The following OGFOD1 variants were observed in gnomAD, a reference collection of about 807,000 sequenced individuals.
OGFOD1 encodes the protein prolyl 3-hydroxylase OGFOD1.
OGFOD1 carries 54 observed loss-of-function variants against 67.7 expected under a neutral mutation model. The ratio of observed to expected loss-of-function variants is 0.80; its 90% CI spans 0.64 to 1.00. The LOEUF is 1.00. Ranked by LOEUF, OGFOD1 falls within the 50% of genes least tolerant of loss-of-function variation. The pLI is 0.00. For synonymous variants in OGFOD1, 221 were observed against 227.0 expected, an observed-to-expected ratio of 0.97 and a Z score of 0.24; for missense variants, 606 against 646.7, an observed-to-expected ratio of 0.94 and a Z score of 0.68.
At chr16:56,464,917 T>G (rs1962844638) in intron 4 of OGFOD1, among the ~76,000 whole-genome samples, 1 of 152,158 alleles carries the variant, frequency 6.6e-6, no homozygotes, top group Admixed American at 6.5e-5. Flanking sequence ...CCCAGACCCC[T>G]TCAGTTTGAA....
chr16:56,454,657 A>AGGG (rs1567544171), intron 2 of OGFOD1: 2 of 344,302 alleles, frequency 5.8e-6, no homozygotes, highest in African/African-American at 4.4e-5. Context: ...GGGGGGGAAA[A>AGGG]AAAAAAGAAA....
At chr16:56,458,466 C>G in intron 2 of OGFOD1, 82 bp from the exon 3 acceptor site, 1 of 1,246,774 alleles carries the variant, frequency 8.0e-7, no homozygotes, top group Non-Finnish European at 1.2e-6. Flanking sequence ...ATGCTAGGAC[C>G]AGAACACTCA....
At chr16:56,451,534 G>C, upstream of OGFOD1, 1 of 1,496,390 alleles carries the variant, frequency 6.7e-7, no homozygotes, top group Non-Finnish European at 9.2e-7. Context: ...CACGATAAAG[G>C]GGACATGCCG....
intron 8 of OGFOD1, among the ~76,000 whole-genome samples, chr16:56,468,712 C>A (rs1231108755): frequency 7.1e-6 from 1 of 141,344 alleles, no homozygotes; most frequent in African/African-American, 2.8e-5. Flanking sequence ...GGTGACAGAG[C>A]GAGACTCCGT....
At chr16:56,468,710 A>G (rs1306488230) in intron 8 of OGFOD1, among the ~76,000 whole-genome samples, 2 of 146,402 alleles carry the variant, frequency 1.4e-5, no homozygotes, top group Non-Finnish European at 3.0e-5. Context: ...TGGGTGACAG[A>G]GCGAGACTCC....
At position 56,469,902 on chromosome 16, in the gene OGFOD1, A is replaced by T. The variant is rs79615045; in HGVS notation, c.901-101A>T. On this transcript the variant is annotated intron_variant, in intron 8 of 12. Coordinates refer to ENST00000566157, the MANE Select transcript of OGFOD1 (RefSeq NM_018233.4). ...ATGAGAGTCAACTGCACCTTTTAGG[A>T]ATCAGCCAGATTGATGTTTGGCAGA... 2,007 of 821,724 alleles carry T rather than the reference A, an allele frequency of 2.4e-3. 11 individuals carry two copies. Among genetic ancestry groups the T allele is most frequent in the South Asian group, 6.8e-3 (427 of 62,960 alleles). 50.9% of individuals were successfully genotyped at this position (821,724 alleles called of 1,614,324 possible). A position where few individuals can be genotyped will look rare whatever the true frequency, so the allele number is the denominator to read the frequency against.
At chr16:56,465,092 TG>T (rs1348956528) in intron 4 of OGFOD1, among the ~76,000 whole-genome samples, 2 of 151,948 alleles carry the variant, frequency 1.3e-5, no homozygotes, top group Admixed American at 1.3e-4. Flanking sequence ...CTCTGCCTCC[TG>T]GGTTCAAGCG....
At chr16:56,460,028 T>C (rs1476132470) in intron 3 of OGFOD1, among the ~76,000 whole-genome samples, 1 of 152,244 alleles carries the variant, frequency 6.6e-6, no homozygotes, top group Non-Finnish European at 1.5e-5. Context: ...TTCCATGTAT[T>C]ATAGGCAGCT....
At chr16:56,454,690 T>C (rs1157601941) in intron 2 of OGFOD1, 1 of 366,712 alleles carries the variant, frequency 2.7e-6, no homozygotes, top group Non-Finnish European at 5.4e-6. Flanking sequence ...GAAGAATAAT[T>C]TTTTTTTTTG....
At chr16:56,466,739 C>T in intron 5 of OGFOD1, 137 bp from the exon 6 acceptor site, 1 of 694,398 alleles carries the variant, frequency 1.4e-6, no homozygotes, top group Non-Finnish European at 2.6e-6. Flanking sequence ...ATGAGTGAAG[C>T]AGATGGAAAG....
At chr16:56,459,291 G>T (rs1290098965) in intron 3 of OGFOD1, among the ~76,000 whole-genome samples, 7 of 150,502 alleles carry the variant, frequency 4.7e-5, no homozygotes, top group Admixed American at 1.3e-4. Context: ...GGTGAGCCGA[G>T]ATCGAGCCCG....
intron 2 of OGFOD1, 93 bp downstream of exon 2, chr16:56,453,501 G>C (rs1290139269): frequency 7.4e-7 from 1 of 1,353,120 alleles, no homozygotes; most frequent in Non-Finnish European, 1.0e-6. Context: ...TTTTAGGGTG[G>C]GTTTGCCTTG....
intron 4 of OGFOD1, among the ~76,000 whole-genome samples, chr16:56,464,531 CTA>C (rs1250207680): frequency 6.6e-6 from 1 of 152,180 alleles, no homozygotes; most frequent in African/African-American, 2.4e-5. Flanking sequence ...TCATTCCACT[CTA>C]GAGAAGACCT....
intron 10 of OGFOD1, among the ~76,000 whole-genome samples, 182 bp downstream of exon 10, chr16:56,470,973 G>A (rs1375663102): frequency 6.6e-6 from 1 of 152,100 alleles, no homozygotes; most frequent in Non-Finnish European, 1.5e-5. Context: ...AGAAGACAGA[G>A]ATTAAATGTA....
At chr16:56,455,859 A>T (rs966749287) in intron 2 of OGFOD1, among the ~76,000 whole-genome samples, 8 of 152,086 alleles carry the variant, frequency 5.3e-5, no homozygotes, top group African/African-American at 1.9e-4. Flanking sequence ...CTTCAACATA[A>T]CAAAAAGAAA....
At chr16:56,460,551 C>G (rs1025585276) in intron 3 of OGFOD1, among the ~76,000 whole-genome samples, 7 of 152,220 alleles carry the variant, frequency 4.6e-5, no homozygotes, top group African/African-American at 1.7e-4. Context: ...TAATTTCCAA[C>G]TCTGCCTTTA....
At position 56,470,810 on chromosome 16, in the gene OGFOD1, T is replaced by A; in HGVS notation, c.1285+19T>A. ...AAGAAAGGTAAGCTGTTGTTAGGAT[T>A]TGTCCTTACTTACCATTAACCATTC... On this transcript the variant is annotated intron_variant, in intron 10 of 12. Coordinates refer to ENST00000566157, the MANE Select transcript of OGFOD1 (RefSeq NM_018233.4). 2.6e-6 allele frequency: 4 copies of A among 1,550,310 alleles called. No homozygotes were observed. The highest frequency in any genetic ancestry group is 8.7e-7 in the Non-Finnish European group (1 of 1,150,724).
At chr16:56,458,074 A>G (rs1289363171) in intron 2 of OGFOD1, 1 of 176,194 alleles carries the variant, frequency 5.7e-6, no homozygotes, top group Non-Finnish European at 1.2e-5. Flanking sequence ...CATGCTCAGG[A>G]CCTTGAATGC....
chr16:56,462,547 G>A lies in OGFOD1; in HGVS notation c.361G>A (p.Glu121Lys). Residue 121 changes from glutamate (E) to lysine (K), a missense_variant, in exon 4 of 13, where the codon GAA becomes AAA. Physicochemically the swap from Glu to Lys is moderately conservative, Grantham distance 56 (BLOSUM62 1). Coordinates refer to ENST00000566157, the MANE Select transcript of OGFOD1 (RefSeq NM_018233.4). The part of the protein sequence containing the change: ...HISTLRKILF[E>K]DFRSWLSDIS... ...TTACATTTCTAGGAAAATTCTGTTT[G>A]AAGATTTCCGGTCCTGGCTTTCTGA... 3 of 1,610,118 alleles carry A rather than the reference G, an allele frequency of 1.9e-6. No individual in the cohort carries two copies. The highest frequency in any genetic ancestry group is 2.5e-6 in the Non-Finnish European group (3 of 1,176,494).
Sources: gnomAD v4.1 joint callset for allele counts (sites outside exome capture counted in the v4.1 genomes callset) on GRCh38, gnomAD v4.1.1 for gene constraint, MANE v1.5 for transcripts, NCBI Gene and HGNC (gene_info 2026-07-23, HGNC 2026-07-21) for gene names.